EML4: variants seen among roughly 807,000 people sequenced by gnomAD.
EML4 encodes echinoderm microtubule-associated protein-like 4.
EML4 carries 72 observed loss-of-function variants against 129.0 expected under a neutral mutation model. That is an observed-to-expected ratio of 0.56 (90% CI 0.46 to 0.68). The LOEUF (loss-of-function observed/expected upper bound fraction) is 0.68. EML4 is among the 30% of genes least tolerant of loss of function. The probability of loss-of-function intolerance (pLI) is 0.00; values close to 1 mark genes in which losing one functional copy is unlikely to be tolerated. For missense variants in EML4, 1,363 were observed against 1,190.6 expected, an observed-to-expected ratio of 1.14 and a Z score of -2.13; for synonymous variants, 532 against 405.0, an observed-to-expected ratio of 1.31 and a Z score of -3.77.
intron 13 of EML4, among the ~76,000 whole-genome samples, chr2:42,296,781 A>G (rs1167908721): frequency 1.3e-5 from 2 of 152,186 alleles, no homozygotes; most frequent in Non-Finnish European, 2.9e-5. Flanking sequence ...TAAATTTCGC[A>G]TTACTGTTTT....
In EML4 at chr2:42,256,632, T is replaced by C. The variant is rs750359091; in HGVS notation, c.338+2T>C. Reference sequence around the variant, plus strand: ...AACTCTTTCATCTGCTGCTAAAAGGTACCCATTTATGAAAGGGGGAAAAAC... The same window carrying C: ...AACTCTTTCATCTGCTGCTAAAAGGCACCCATTTATGAAAGGGGGAAAAAC... On this transcript the variant is annotated splice_donor_variant, in intron 3 of 22. Transcript: ENST00000318522. LOFTEE classifies it high-confidence loss of function. 1.2e-6 allele frequency: 2 copies of C among 1,613,054 alleles called. No homozygotes were observed. The highest frequency in any genetic ancestry group is 1.1e-5 in the South Asian group (1 of 90,952).
At chr2:42,283,664 T>C (rs954354332) in intron 8 of EML4, among the ~76,000 whole-genome samples, 3 of 152,198 alleles carry the variant, frequency 2.0e-5, no homozygotes, top group South Asian at 4.1e-4. Context: ...ATGACTATTA[T>C]AATATTATAT....
chr2:42,300,361 T>A (rs1170530008), intron 13 of EML4, among the ~76,000 whole-genome samples: 4 of 152,216 alleles, frequency 2.6e-5, no homozygotes, highest in Admixed American at 2.6e-4. Context: ...ATGAGTACTA[T>A]CATCTTATTC....
At chr2:42,206,047 A>C (rs1672520582) in intron 1 of EML4, among the ~76,000 whole-genome samples, 1 of 152,112 alleles carries the variant, frequency 6.6e-6, no homozygotes, top group African/African-American at 2.4e-5. Flanking sequence ...CACTCATTTG[A>C]CAATTACTCT....
chr2:42,195,553 G>A (rs1671850599), intron 1 of EML4, among the ~76,000 whole-genome samples: 1 of 152,114 alleles, frequency 6.6e-6, no homozygotes, highest in Non-Finnish European at 1.5e-5. Context: ...AATTTAAAAT[G>A]TACGTTTGCA....
intron 3 of EML4, among the ~76,000 whole-genome samples, chr2:42,257,462 G>C (rs1676226402): frequency 6.6e-6 from 1 of 150,724 alleles, no homozygotes; most frequent in South Asian, 2.1e-4. Context: ...TTATTCATTG[G>C]TGTGGATTCA....
intron 17 of EML4, among the ~76,000 whole-genome samples, chr2:42,309,292 C>T (rs1668793458): frequency 1.3e-5 from 2 of 151,640 alleles, no homozygotes; most frequent in South Asian, 2.1e-4. Flanking sequence ...GCCTGTGGTC[C>T]CAGCTACTCA....
intron 10 of EML4, among the ~76,000 whole-genome samples, chr2:42,287,810 T>C (rs1238310975): frequency 6.6e-6 from 1 of 152,170 alleles, no homozygotes; most frequent in Non-Finnish European, 1.5e-5. Flanking sequence ...GCTTATTCTG[T>C]CAAACTGTCA....
chr2:42,209,344 A>G (rs145846014), intron 1 of EML4, among the ~76,000 whole-genome samples: 1 of 151,942 alleles, frequency 6.6e-6, no homozygotes, highest in Non-Finnish European at 1.5e-5. Context: ...ATTTCTTTTT[A>G]TGTCGGTTAT....
chr2:42,300,294 C>G (rs760786494), intron 13 of EML4, among the ~76,000 whole-genome samples: 117 of 152,138 alleles, frequency 7.7e-4, no homozygotes, highest in Non-Finnish European at 1.5e-3. Context: ...CTCTGCTAGC[C>G]TATCTAGCTA....
chr2:42,232,588 A>C (rs72796542), intron 1 of EML4, among the ~76,000 whole-genome samples: 8 of 152,304 alleles, frequency 5.3e-5, no homozygotes, highest in Non-Finnish European at 1.0e-4. Context: ...CACTCCTGTT[A>C]ATCTTTCAAG....
intron 1 of EML4, among the ~76,000 whole-genome samples, chr2:42,183,673 A>C (rs1671081679): frequency 6.6e-6 from 1 of 152,208 alleles, no homozygotes; most frequent in Non-Finnish European, 1.5e-5. Flanking sequence ...AGGTATAAAT[A>C]TAATACTGTG....
intron 1 of EML4, among the ~76,000 whole-genome samples, chr2:42,225,155 T>A (rs1418296401): frequency 6.6e-6 from 1 of 152,208 alleles, no homozygotes; most frequent in South Asian, 2.1e-4. Flanking sequence ...TCCATTCATG[T>A]GTTTATGGAC....
Position 42,329,757 on chromosome 2 carries a change from C to T in EML4, c.2496C>T (p.Ala832=), listed in dbSNP as rs201235905. The T allele has an allele frequency of 1.1e-4, 181 of 1,613,894 alleles. 1 individual carries two copies. The highest frequency in any genetic ancestry group is 1.7e-5 in the Non-Finnish European group (20 of 1,179,958). ...KAKAPSHKYS[A]HSSHVTNVSF... ...AGGCTCCCAGTCACAAGTACAGTGC[C>T]CACAGCAGCCATGTCACCAATGTCA... The change falls in exon 23 of 23, where the codon GCC becomes GCT. Residue 832 remains alanine, a synonymous_variant. Transcript: ENST00000318522.
chr2:42,256,682 T>A, intron 3 of EML4, 52 bp downstream of exon 3: 1 of 1,599,678 alleles, frequency 6.3e-7, no homozygotes, highest in South Asian at 1.1e-5. Context: ...TGTCTGAATG[T>A]GGTAGAGATC....
intron 17 of EML4, among the ~76,000 whole-genome samples, chr2:42,312,542 C>G (rs1262161342): frequency 6.8e-6 from 1 of 146,106 alleles, no homozygotes; most frequent in South Asian, 2.2e-4. Context: ...TGATAATAAC[C>G]AATTGCCAAT....
rs143911025 is a variant in EML4, at chr2:42,301,274, A to T, written c.1523A>T (p.His508Leu). The T allele has an allele frequency of 6.2e-7, 1 of 1,611,414 alleles. No homozygotes were observed. The highest frequency in any genetic ancestry group is 1.7e-5 in the Admixed American group (1 of 59,782). The change falls in exon 14 of 23, where the codon CAT becomes CTT. Residue 508 changes from histidine to leucine, a missense_variant. Coordinates refer to ENST00000318522, the MANE Select transcript of EML4 (RefSeq NM_019063.5). Reference sequence around the variant, plus strand: ...CAAATCAGCAAACAAATCAAAGCTCATGATGGCAGTGTGTTCACACTTTGT... The same window carrying T: ...CAAATCAGCAAACAAATCAAAGCTCTTGATGGCAGTGTGTTCACACTTTGT... ...VYQISKQIKA[H>L]DGSVFTLCQM...
At chr2:42,308,699 C>T (rs1289652994) in intron 17 of EML4, among the ~76,000 whole-genome samples, 1 of 152,106 alleles carries the variant, frequency 6.6e-6, no homozygotes, top group Non-Finnish European at 1.5e-5. Flanking sequence ...CAATTTTTAA[C>T]CCAGAAAGGA....
At chr2:42,253,720 G>T (rs960846550) in intron 2 of EML4, among the ~76,000 whole-genome samples, 1 of 151,618 alleles carries the variant, frequency 6.6e-6, no homozygotes, top group African/African-American at 2.4e-5. Flanking sequence ...TATGCCAGGG[G>T]GAAAAAAAAG....
Sources: gnomAD v4.1 joint callset for allele counts (sites outside exome capture counted in the v4.1 genomes callset) on GRCh38, gnomAD v4.1.1 for gene constraint, MANE v1.5 for transcripts, NCBI Gene and HGNC (gene_info 2026-07-23, HGNC 2026-07-21) for gene names.